CRPPA: variants seen among roughly 807,000 people sequenced by gnomAD.
CRPPA encodes the protein CDP-L-ribitol pyrophosphorylase A.
A neutral mutation model predicts 52.0 loss-of-function variants in CRPPA; 43 were observed. That is an observed-to-expected ratio of 0.83 (90% CI 0.65 to 1.07). CRPPA has a LOEUF of 1.07. Among genes scored for constraint, CRPPA ranks in the 50% least tolerant of loss-of-function variants. The pLI is 0.00. For synonymous variants in CRPPA, 250 were observed against 203.5 expected (o/e 1.23, Z -1.94); for missense variants, 629 against 551.7 (o/e 1.14, Z -1.40).
intron 9 of CRPPA, among the ~76,000 whole-genome samples, chr7:16,135,230 T>G (rs1194619033): frequency 1.3e-5 from 2 of 152,204 alleles, no homozygotes; most frequent in Non-Finnish European, 2.9e-5. Flanking sequence ...CTAAAATGCA[T>G]AGCCAGAAGG....
chr7:16,398,639 C>G (rs1391044518), intron 2 of CRPPA, among the ~76,000 whole-genome samples: 1 of 152,086 alleles, frequency 6.6e-6, no homozygotes, highest in Non-Finnish European at 1.5e-5. Context: ...TGACACGTGA[C>G]AAACATCACT....
At chr7:16,407,600 C>T (rs1787984728) in intron 1 of CRPPA, among the ~76,000 whole-genome samples, 2 of 152,168 alleles carry the variant, frequency 1.3e-5, no homozygotes, top group South Asian at 4.2e-4. Flanking sequence ...TAAAGATTAC[C>T]TTTACTGAAA....
chr7:16,166,161 TC>T (rs1282681912), intron 9 of CRPPA, among the ~76,000 whole-genome samples: 1 of 152,242 alleles, frequency 6.6e-6, no homozygotes, highest in Non-Finnish European at 1.5e-5. Context: ...TAACCTGTTT[TC>T]ATTTGTACAG....
At position 16,421,252 on chromosome 7, in the gene CRPPA, G is replaced by A. The variant is rs1788329936; in HGVS notation, c.71C>T (p.Ala24Val). Residue 24 changes from alanine (A) to valine (V), a missense_variant, in exon 1 of 10, where the codon GCG becomes GTG. By Grantham distance (64) the Ala-to-Val change is moderately conservative (BLOSUM62 0). Coordinates refer to ENST00000407010, the MANE Select transcript of CRPPA (RefSeq NM_001101426.4). The stretch of plus-strand genomic sequence containing the variant: ...CAGGGAGGCGGAAGCCGTGTGGTCC[G>A]CGCCGCGCTGACCACTCAGGCAAGG... The part of the protein sequence containing the change: ...PGPCLSGQRG[A>V]DHTASASLQS... 1 of 1,319,608 alleles carries A rather than the reference G, an allele frequency of 7.6e-7. No individual in the cohort carries two copies. The highest frequency in any genetic ancestry group is 1.5e-5 in the African/African-American group (1 of 65,168). The allele number at this position is 1,319,608 out of a possible 1,614,324, so 81.7% of individuals were successfully genotyped here. A position where few individuals can be genotyped will look rare whatever the true frequency, so the allele number is the denominator to read the frequency against.
intron 9 of CRPPA, among the ~76,000 whole-genome samples, chr7:16,149,036 T>A (rs549625246): frequency 1.3e-5 from 2 of 152,324 alleles, no homozygotes; most frequent in South Asian, 2.1e-4. Context: ...TGTATTTTCA[T>A]TGAATTTATT....
intron 3 of CRPPA, among the ~76,000 whole-genome samples, chr7:16,349,723 A>G (rs1323452318): frequency 6.6e-6 from 1 of 152,114 alleles, no homozygotes; most frequent in Non-Finnish European, 1.5e-5. Flanking sequence ...GAGCAAAAGG[A>G]AAAGAGAATG....
intron 5 of CRPPA, among the ~76,000 whole-genome samples, chr7:16,292,853 T>TA (rs993808607): frequency 6.6e-6 from 1 of 151,946 alleles, no homozygotes; most frequent in African/African-American, 2.4e-5. Context: ...CAAGTATCTT[T>TA]AAAAAATTCC....
chr7:16,353,650 G>T (rs1386338145), intron 3 of CRPPA, among the ~76,000 whole-genome samples: 1 of 152,118 alleles, frequency 6.6e-6, no homozygotes, highest in Non-Finnish European at 1.5e-5. Context: ...AGGAGTTTGA[G>T]ACCAGCCTGA....
chr7:16,297,593 C>T (rs745632520), intron 5 of CRPPA, among the ~76,000 whole-genome samples: 1 of 152,176 alleles, frequency 6.6e-6, no homozygotes, highest in Non-Finnish European at 1.5e-5. Flanking sequence ...CAATCTAAAA[C>T]AGGTAATACA....
intron 9 of CRPPA, among the ~76,000 whole-genome samples, chr7:16,127,336 G>A (rs914994321): frequency 1.3e-5 from 2 of 151,990 alleles, no homozygotes; most frequent in Non-Finnish European, 2.9e-5. Flanking sequence ...TTGTACTTGA[G>A]TTGTAGGCTA....
chr7:16,405,596 G>C (rs1787933919), intron 2 of CRPPA, among the ~76,000 whole-genome samples: 1 of 152,162 alleles, frequency 6.6e-6, no homozygotes, highest in East Asian at 1.9e-4. Context: ...GTTTATTTTG[G>C]TGAAGCAAAT....
intron 3 of CRPPA, among the ~76,000 whole-genome samples, chr7:16,333,042 T>C (rs1785591856): frequency 6.6e-6 from 1 of 152,052 alleles, no homozygotes; most frequent in Non-Finnish European, 1.5e-5. Context: ...TATAAGATCA[T>C]AAAGGGGACA....
chr7:16,295,575 T>C (rs1272422786), intron 5 of CRPPA, among the ~76,000 whole-genome samples: 1 of 152,084 alleles, frequency 6.6e-6, no homozygotes, highest in Admixed American at 6.6e-5. Context: ...ATTAAGTAGA[T>C]GAAGAATGGA....
intron 9 of CRPPA, among the ~76,000 whole-genome samples, chr7:16,171,342 C>T (rs1051619250): frequency 5.3e-5 from 8 of 152,114 alleles, no homozygotes; most frequent in African/African-American, 1.7e-4. Flanking sequence ...TTTAATACTA[C>T]TTCTCTTTCT....
intron 3 of CRPPA, among the ~76,000 whole-genome samples, chr7:16,328,784 G>A (rs891824326): frequency 6.6e-6 from 1 of 152,120 alleles, no homozygotes; most frequent in Non-Finnish European, 1.5e-5. Context: ...CAAAGTGCTG[G>A]GATTACAAGC....
intron 3 of CRPPA, among the ~76,000 whole-genome samples, chr7:16,346,644 C>G (rs1344990449): frequency 6.6e-6 from 1 of 152,040 alleles, no homozygotes; most frequent in Non-Finnish European, 1.5e-5. Context: ...GAATAATGTA[C>G]TCACACCCTT....
At chr7:16,381,887 C>T (rs1787100620) in intron 2 of CRPPA, among the ~76,000 whole-genome samples, 1 of 152,102 alleles carries the variant, frequency 6.6e-6, no homozygotes, top group Non-Finnish European at 1.5e-5. Flanking sequence ...ATGTGTGTCT[C>T]TGCACATGAG....
chr7:16,239,923 A>G (rs1419134870), intron 8 of CRPPA, among the ~76,000 whole-genome samples: 1 of 152,118 alleles, frequency 6.6e-6, no homozygotes, highest in African/African-American at 2.4e-5. Context: ...TTATTCACAC[A>G]TTGCTTCAGA....
At chr7:16,264,603 T>C (rs73294845) in intron 6 of CRPPA, among the ~76,000 whole-genome samples, 2,826 of 152,338 alleles carry the variant, frequency 0.019, 102 homozygotes, top group African/African-American at 0.064. Context: ...AGTTCAAATA[T>C]GTGTTTCTGA....
Sources: gnomAD v4.1 joint callset for allele counts (sites outside exome capture counted in the v4.1 genomes callset) on GRCh38, gnomAD v4.1.1 for gene constraint, MANE v1.5 for transcripts, NCBI Gene and HGNC (gene_info 2026-07-23, HGNC 2026-07-21) for gene names.